The following DGKI variants were observed in gnomAD, a reference collection of about 807,000 sequenced individuals.
DGKI encodes the protein DAG kinase iota.
In DGKI, 55 loss-of-function variants were observed where a neutral mutation model predicts 147.5. That is an observed-to-expected ratio of 0.37 (90% CI 0.30 to 0.47). DGKI has a LOEUF of 0.47. DGKI is among the 20% of genes least tolerant of loss of function. The pLI is 1.00. For synonymous variants in DGKI, 469 were observed against 477.1 expected (o/e 0.98, Z 0.22); for missense variants, 1,007 against 1,323.8 (o/e 0.76, Z 3.71).
At chr7:137,642,953 T>TGC (rs1469157154) in intron 6 of DGKI, among the ~76,000 whole-genome samples, 1 of 150,358 alleles carries the variant, frequency 6.7e-6, no homozygotes, top group African/African-American at 2.4e-5. Context: ...TGTGTGTGTG[T>TGC]GTGTGTGTGT....
At position 137,451,110 on chromosome 7, in the gene DGKI, C is replaced by T. The variant is rs141107374; in HGVS notation, c.2736-7008G>A. On this transcript the variant is annotated intron_variant, in intron 27 of 32. Transcript: ENST00000614521. ...CTTGAATTTTTAAAGTCACAAACTTCGAAAACAAACAAACAAACAAAAAAT... is the reference window on the plus strand; with the variant it reads ...CTTGAATTTTTAAAGTCACAAACTTTGAAAACAAACAAACAAACAAAAAAT... 5.3e-5 allele frequency among the ~76,000 whole-genome samples: 8 copies of T among 152,204 alleles called. No homozygotes were observed. The East Asian group carries it at 1.4e-3, about 26-fold the overall frequency.
intron 1 of DGKI, among the ~76,000 whole-genome samples, chr7:137,812,156 T>TAACCA (rs1797611181): frequency 1.3e-5 from 2 of 152,168 alleles, no homozygotes. Flanking sequence ...ACCAGTCTAG[T>TAACCA]GTAAAGGAGA....
intron 2 of DGKI, among the ~76,000 whole-genome samples, chr7:137,685,014 A>G (rs1823369276): frequency 6.6e-6 from 1 of 152,208 alleles, no homozygotes; most frequent in Non-Finnish European, 1.5e-5. Flanking sequence ...AAGATGACCT[A>G]GTTTCATAAC....
chr7:137,447,209 A>G (rs975224905), intron 27 of DGKI, among the ~76,000 whole-genome samples: 1 of 152,214 alleles, frequency 6.6e-6, no homozygotes, highest in Non-Finnish European at 1.5e-5. Context: ...AGCCTAAATC[A>G]TTATTATTCA....
intron 10 of DGKI, among the ~76,000 whole-genome samples, chr7:137,605,057 C>T (rs1439793721): frequency 6.6e-6 from 1 of 152,072 alleles, no homozygotes; most frequent in African/African-American, 2.4e-5. Context: ...GCTATAATCC[C>T]AGCACTTTGG....
At chr7:137,834,043 G>A (rs990696922) in intron 1 of DGKI, among the ~76,000 whole-genome samples, 3 of 152,194 alleles carry the variant, frequency 2.0e-5, no homozygotes, top group African/African-American at 7.2e-5. Context: ...TTCCTTTTCT[G>A]TAAAGCTATG....
chr7:137,693,314 CA>C (rs1248159341), intron 1 of DGKI, among the ~76,000 whole-genome samples: 4 of 152,198 alleles, frequency 2.6e-5, no homozygotes, highest in African/African-American at 9.6e-5. Context: ...CCACGGTCAG[CA>C]AAACCATGAA....
At chr7:137,623,774 G>A (rs1820835811) in intron 6 of DGKI, among the ~76,000 whole-genome samples, 1 of 152,186 alleles carries the variant, frequency 6.6e-6, no homozygotes, top group Admixed American at 6.5e-5. Context: ...GAGAGAGAGA[G>A]GAGGTGCTGG....
At chr7:137,489,046 G>A (rs1009876426) in intron 21 of DGKI, among the ~76,000 whole-genome samples, 1 of 152,062 alleles carries the variant, frequency 6.6e-6, no homozygotes, top group Non-Finnish European at 1.5e-5. Context: ...CTCCTAGATT[G>A]GTTTCTGCTA....
rs887969679 is a variant in DGKI, at chr7:137,390,979, T to G, written c.*241A>C. 5 of 503,490 alleles carry G rather than the reference T, an allele frequency of 9.9e-6. No homozygotes were observed. Among genetic ancestry groups the G allele is most frequent in the African/African-American group, 8.0e-5 (4 of 50,162 alleles). 31.2% of individuals were successfully genotyped at this position (503,490 alleles called of 1,614,324 possible). A position where few individuals can be genotyped will look rare whatever the true frequency, so the allele number is the denominator to read the frequency against. ...TTGCTGGAAGCAATAAGGATCAAATTTTGTGGAACTCGTACTGTATTCCAC... is the reference window on the plus strand; with the variant it reads ...TTGCTGGAAGCAATAAGGATCAAATGTTGTGGAACTCGTACTGTATTCCAC... On this transcript the variant is annotated 3_prime_UTR_variant, in exon 33 of 33. Coordinates refer to ENST00000614521, the MANE Select transcript of DGKI (RefSeq NM_001321708.2).
intron 28 of DGKI, among the ~76,000 whole-genome samples, chr7:137,441,376 G>C (rs933716825): frequency 7.0e-6 from 1 of 143,264 alleles, no homozygotes; most frequent in South Asian, 2.3e-4. Context: ...AGCCGAGATC[G>C]TGCCACTGCA....
intron 20 of DGKI, among the ~76,000 whole-genome samples, chr7:137,524,251 C>T (rs1314436068): frequency 3.3e-5 from 5 of 152,138 alleles, no homozygotes; most frequent in Non-Finnish European, 7.3e-5. Flanking sequence ...ATGGCATAAG[C>T]TCCTTCATAT....
intron 1 of DGKI, among the ~76,000 whole-genome samples, chr7:137,706,680 C>T (rs1772090894): frequency 6.6e-6 from 1 of 151,652 alleles, no homozygotes; most frequent in Admixed American, 6.6e-5. Context: ...TCAAGCGATT[C>T]TTCTGCCTCA....
At chr7:137,493,893 A>C in intron 21 of DGKI, 1 of 637,058 alleles carries the variant, frequency 1.6e-6, no homozygotes, top group South Asian at 1.8e-5. Context: ...ATCGAGATTC[A>C]GGAGAAAGTT....
In DGKI at chr7:137,571,159, C is replaced by T. The variant is rs834446; in HGVS notation, c.1947+16G>A. On this transcript the variant is annotated intron_variant, in intron 19 of 32. Transcript: ENST00000614521. ...TAAAATACATTTCATTTTAATAAAA[C>T]AGTTATATTGCTCACCAAAGAGGCC... is the stretch of plus-strand genomic sequence containing the variant. The T allele has an allele frequency of 0.088, 136,209 of 1,544,002 alleles. 11,543 individuals are homozygous for T. The highest frequency in any genetic ancestry group is 0.4 in the African/African-American group (28,602 of 71,388).
At chr7:137,619,146 C>T (rs1820652616) in intron 8 of DGKI, among the ~76,000 whole-genome samples, 2 of 152,184 alleles carry the variant, frequency 1.3e-5, no homozygotes, top group South Asian at 2.1e-4. Flanking sequence ...TTGAAGCTAA[C>T]TGTCAAGGAT....
At chr7:137,446,748 A>C (rs1016843714) in intron 27 of DGKI, among the ~76,000 whole-genome samples, 9 of 152,158 alleles carry the variant, frequency 5.9e-5, no homozygotes, top group African/African-American at 9.7e-5. Context: ...AAAGAAAGAG[A>C]GAGAGGGAGG....
At chr7:137,598,605 A>C (rs1049273991) in intron 11 of DGKI, among the ~76,000 whole-genome samples, 6 of 152,174 alleles carry the variant, frequency 3.9e-5, no homozygotes, top group African/African-American at 1.4e-4. Context: ...ATGCATTGAC[A>C]CTGCCCCTGC....
Position 137,618,151 on chromosome 7 carries a change from A to ATATATATATATATATATATATT in DGKI, c.993+1672_993+1673insAATATATATATATATATATATA. ...ACTATATATATATATATATATATATATTTTTTTTTTTTTACTCTATCATTC... is the reference window on the plus strand; with the variant it reads ...ACTATATATATATATATATATATATATATATATATATATATATATATTTTTTTTTTTTTTTACTCTATCATTC... On this transcript the variant is annotated intron_variant, in intron 8 of 32. Transcript: ENST00000614521. 9.6e-4 allele frequency among the ~76,000 whole-genome samples: 10 copies of ATATATATATATATATATATATT among 10,460 alleles called. 1 individual carries two copies. Among genetic ancestry groups the ATATATATATATATATATATATT allele is most frequent in the Admixed American group, 3.6e-3 (1 of 274 alleles). The allele number at this position is 10,460 out of a possible 152,430, so 6.9% of individuals were successfully genotyped here.
Sources: allele counts gnomAD v4.1 joint callset (sites outside exome capture counted in the v4.1 genomes callset), GRCh38; gene constraint gnomAD v4.1.1; transcripts MANE v1.5; gene names NCBI Gene and HGNC (gene_info 2026-07-23, HGNC 2026-07-21).